The following PLCD3 variants were observed in gnomAD, a reference collection of about 807,000 sequenced individuals.
PLCD3 encodes the protein phospholipase C delta 3.
In PLCD3, 62 loss-of-function variants were observed where a neutral mutation model predicts 82.8. The ratio of observed to expected loss-of-function variants is 0.75; its 90% confidence interval spans 0.61 to 0.93. The LOEUF (loss-of-function observed/expected upper bound fraction) is 0.93. PLCD3 is among the 40% of genes least tolerant of loss of function. The pLI, the probability that PLCD3 is intolerant of heterozygous loss-of-function variation, is 0.00. For missense variants in PLCD3, 1,023 were observed against 1,103.4 expected, an observed-to-expected ratio of 0.93 and a Z score of 1.03; for synonymous variants, 478 against 471.8, an observed-to-expected ratio of 1.01 and a Z score of -0.17.
chr17:45,124,477 G>T (rs1345527580), intron 1 of PLCD3, among the ~76,000 whole-genome samples: 5 of 118,266 alleles, frequency 4.2e-5, no homozygotes, highest in African/African-American at 1.4e-4. Flanking sequence ...GCGGGGCCAG[G>T]TGCTGAGTCC....
At chr17:45,131,775 C>T (rs1005892728) in intron 1 of PLCD3, among the ~76,000 whole-genome samples, 1 of 152,256 alleles carries the variant, frequency 6.6e-6, no homozygotes, top group Non-Finnish European at 1.5e-5. Context: ...AGCAGTGTGG[C>T]TGTGGCCGCC....
intron 8 of PLCD3, 99 bp downstream of exon 8, chr17:45,116,533 G>A: frequency 7.8e-7 from 1 of 1,274,430 alleles, no homozygotes; most frequent in Non-Finnish European, 1.1e-6. Flanking sequence ...GGCAGCAAGA[G>A]GTGAGGGGTC....
rs751393836 is a variant in PLCD3, at chr17:45,112,673, G to A, written c.2313C>T (p.Asp771=). The A allele has an allele frequency of 1.2e-5, 20 of 1,606,776 alleles. No homozygotes were observed. Among genetic ancestry groups the A allele is most frequent in the East Asian group, 2.2e-5 (1 of 44,658 alleles). The change falls in exon 15 of 15, where the codon GAC becomes GAT. Residue 771 remains aspartate, a synonymous_variant. Coordinates refer to ENST00000619929, the MANE Select transcript of PLCD3 (RefSeq NM_133373.5). ...GYRHIHLLSK[D]GASLSPATLF... is the part of the protein sequence containing the mutation. ...GCGTGGCTGGTGACAGTGAGGCCCC[G>A]TCCTTGGAAAGCAGGTGTATGTGGC...
In PLCD3 at chr17:45,118,458, GA is replaced by G. The variant is rs764931573; in HGVS notation, c.947del (p.Phe316SerfsTer2). Reference sequence around the variant, plus strand: ...CCTCCGGCGACAACAGGTACATCATGAAGCCATCCAGTGTCATCAGCTCATG... The same window carrying G: ...CCTCCGGCGACAACAGGTACATCATGAGCCATCCAGTGTCATCAGCTCATG... ...KQHELMTLDG[F>X]MMYLLSPEGA... On this transcript the variant is annotated frameshift_variant, in exon 6 of 15. Transcript: ENST00000619929. LOFTEE classifies it high-confidence loss of function. The surrounding 1 kb of genome is among the most constrained non-coding windows in gnomAD (Gnocchi z 4.1). 8 of 1,613,986 alleles carry G rather than the reference GA, an allele frequency of 5.0e-6. No homozygotes were observed. Among genetic ancestry groups the G allele is most frequent in the Non-Finnish European group, 6.8e-6 (8 of 1,179,888 alleles).
In PLCD3 at chr17:45,125,606, A is replaced by T. The variant is rs143522709; in HGVS notation, c.164-4234T>A. ...GCGAGACTCCGTCTCAAAAAACAAA[A>T]CAAAACAAAACAAACAAAAAACATA... On this transcript the variant is annotated intron_variant, in intron 1 of 14. Transcript: ENST00000619929. Among the ~76,000 whole-genome samples the T allele has an allele frequency of 5.7e-3, 862 of 152,384 alleles. 4 individuals are homozygous for T. The highest frequency in any genetic ancestry group is 0.01 in the Middle Eastern group (3 of 294).
rs1425660634 is a variant in PLCD3 at position 45,118,670 on chromosome 17, G to A, written c.913+145C>T. On this transcript the variant is annotated intron_variant, in intron 5 of 14. Transcript: ENST00000619929. This position sits in a 1 kb window ranked among gnomAD's most constrained non-coding sequence, Gnocchi z 4.1. ...CCCTGGGAGGAAGACAAACTGTTGT[G>A]CCATTTTACACATGTGGAAGCTGAG... 9.1e-7 allele frequency: 1 copy of A among 1,103,880 alleles called. No individual in the cohort carries two copies. The highest frequency in any genetic ancestry group is 1.3e-6 in the Non-Finnish European group (1 of 782,328). 68.4% of individuals were successfully genotyped at this position (1,103,880 alleles called of 1,614,324 possible).
chr17:45,115,376 C>T lies in PLCD3; in HGVS notation c.1528G>A (p.Glu510Lys). Residue 510 changes from glutamate to lysine, a missense_variant, in exon 9 of 15, where the codon GAG becomes AAG. Glu to Lys is a moderately conservative substitution (Grantham distance 56). Transcript: ENST00000619929. ...CTCTGCGCTGCAGCCTCCACCTCCT[C>T]TTCTTCCTCCTCGTCATCCTCCTCC... Reference protein sequence around the residue: ...EEEEDDEEEEEEVEAAAQRRL... With the variant: ...EEEEDDEEEEKEVEAAAQRRL... 1.3e-6 allele frequency: 2 copies of T among 1,592,042 alleles called. No homozygotes were observed. Among genetic ancestry groups the T allele is most frequent in the Non-Finnish European group, 1.7e-6 (2 of 1,170,632 alleles).
intron 3 of PLCD3, 71 bp from the exon 4 acceptor site, chr17:45,120,525 C>T (rs2054328009): frequency 1.4e-5 from 22 of 1,601,610 alleles, no homozygotes; most frequent in East Asian, 4.5e-5. Flanking sequence ...GCTGGTAAGT[C>T]ACCCCCACCT....
chr17:45,113,513 C>CAGGT lies in PLCD3; in HGVS notation c.1917_1920dup (p.Ala641ThrfsTer8). ...GTCGAGTCAGGTTGCCGCAGGCAGGCAGGTTTTAGGACGTAGCCACACTGC... is the reference window on the plus strand; with the variant it reads ...GTCGAGTCAGGTTGCCGCAGGCAGGCAGGTAGGTTTTAGGACGTAGCCACACTGC... On this transcript the variant is annotated frameshift_variant, in exon 12 of 15. Transcript: ENST00000619929. LOFTEE classifies it high-confidence loss of function. The CAGGT allele has an allele frequency of 6.3e-7, 1 of 1,583,294 alleles. No individual in the cohort carries two copies. The highest frequency in any genetic ancestry group is 8.6e-7 in the Non-Finnish European group (1 of 1,165,138).
chr17:45,120,119 T>C (rs930094458), intron 4 of PLCD3, among the ~76,000 whole-genome samples: 1 of 152,212 alleles, frequency 6.6e-6, no homozygotes, highest in African/African-American at 2.4e-5. Context: ...GGGCCCCGGC[T>C]CCCCACTCCC....
chr17:45,113,663 G>A (rs2054267644), intron 11 of PLCD3, 58 bp from the exon 12 acceptor site: 1 of 1,529,078 alleles, frequency 6.5e-7, no homozygotes. Flanking sequence ...TCACTACTCA[G>A]TTTCAGGGGA....
At chr17:45,131,621 C>A (rs763271531) in intron 1 of PLCD3, among the ~76,000 whole-genome samples, 1 of 152,246 alleles carries the variant, frequency 6.6e-6, no homozygotes, top group African/African-American at 2.4e-5. Context: ...TTGCAAGACA[C>A]CACCTGTGTA....
In PLCD3 at chr17:45,111,276, CAG is replaced by C. The variant is rs1427478419; in HGVS notation, c.*1338_*1339del. ...CTTGGGATTTGCCCTACTGAGCAGA[CAG>C]GGGCCTTGAGCCCAGCCAAGCCTGG... On this transcript the variant is annotated 3_prime_UTR_variant, in exon 15 of 15. Transcript: ENST00000619929. The C allele has an allele frequency of 3.3e-5, 5 of 152,212 alleles. No homozygotes were observed. Among genetic ancestry groups the C allele is most frequent in the South Asian group, 4.1e-4 (2 of 4,834 alleles). The allele number at this position is 152,212 out of a possible 1,614,324, so 9.4% of individuals were successfully genotyped here.
intron 10 of PLCD3, among the ~76,000 whole-genome samples, chr17:45,114,681 C>T (rs2143550431): frequency 6.6e-6 from 1 of 152,316 alleles, no homozygotes; most frequent in East Asian, 1.9e-4. Context: ...GGCCAAGGCC[C>T]CAGGCCTTCA....
chr17:45,121,378 G>A lies in PLCD3; in HGVS notation c.164-6C>T, dbSNP rs911793235. 1.6e-5 allele frequency: 24 copies of A among 1,499,856 alleles called. No homozygotes were observed. The highest frequency in any genetic ancestry group is 2.1e-5 in the Admixed American group (1 of 46,802). 92.9% of individuals were successfully genotyped at this position (1,499,856 alleles called of 1,614,324 possible). A position where few individuals can be genotyped will look rare whatever the true frequency, so the allele number is the denominator to read the frequency against. Reference sequence around the variant, plus strand: ...GTCCTCGTCCTCCGTCAGGCCTGGCGGGGCGGGAGGACCCGGGGCGTCAGG... The same window carrying A: ...GTCCTCGTCCTCCGTCAGGCCTGGCAGGGCGGGAGGACCCGGGGCGTCAGG... On this transcript the variant is annotated splice_polypyrimidine_tract_variant and splice_region_variant and intron_variant, in intron 1 of 14. Coordinates refer to ENST00000619929, the MANE Select transcript of PLCD3 (RefSeq NM_133373.5).
In PLCD3 at chr17:45,132,252, C is replaced by A; in HGVS notation, c.159G>T (p.Lys53Asn). 7.8e-7 allele frequency: 1 copy of A among 1,274,854 alleles called. No individual in the cohort carries two copies. Among genetic ancestry groups the A allele is most frequent in the Non-Finnish European group, 9.9e-7 (1 of 1,009,810 alleles). 79.0% of individuals were successfully genotyped at this position (1,274,854 alleles called of 1,614,324 possible). A position where few individuals can be genotyped will look rare whatever the true frequency, so the allele number is the denominator to read the frequency against. Residue 53 changes from lysine to asparagine, a missense_variant, in exon 1 of 15, where the codon AAG (lysine) becomes AAT (asparagine). By Grantham distance (94) the Lys-to-Asn change is moderately conservative (BLOSUM62 0). Coordinates refer to ENST00000619929, the MANE Select transcript of PLCD3 (RefSeq NM_133373.5). The surrounding 1 kb of genome is among the most constrained non-coding windows in gnomAD (Gnocchi z 4.6). ...CGCCCCTTGCCCGTCACTGACCCAT[C>A]TTCTTCAGCGCCCGCAGCCCGGGCC... ...TKRPGLRALK[K>N]MGLTEDEDVR... is the part of the protein sequence containing the mutation.
At chr17:45,115,817 A>G (rs1368892719) in intron 8 of PLCD3, among the ~76,000 whole-genome samples, 1 of 151,136 alleles carries the variant, frequency 6.6e-6, no homozygotes, top group African/African-American at 2.4e-5. Context: ...CTGGAATCAC[A>G]TGTCCTTTTT....
intron 7 of PLCD3, among the ~76,000 whole-genome samples, chr17:45,117,708 T>A (rs547979346): frequency 6.6e-6 from 1 of 152,354 alleles, no homozygotes; most frequent in Non-Finnish European, 1.5e-5. Flanking sequence ...TTGGAAGTCA[T>A]GATTAAAATG....
chr17:45,132,325 G>T lies in PLCD3; in HGVS notation c.86C>A (p.Pro29Gln). ...AAQVAAQVAA[P>Q]VALPSPPTPS... Reference sequence around the variant, plus strand: ...AGTCGGCGGGGACGGGAGAGCGACCGGCGCCGCGACTTGGGCTGCGACCTG... The same window carrying T: ...AGTCGGCGGGGACGGGAGAGCGACCTGCGCCGCGACTTGGGCTGCGACCTG... The change falls in exon 1 of 15, where the codon CCG becomes CAG. Residue 29 changes from proline (P) to glutamine (Q), a missense_variant. By Grantham distance (76) the Pro-to-Gln change is moderately conservative. Transcript: ENST00000619929. The surrounding 1 kb of genome is among the most constrained non-coding windows in gnomAD (Gnocchi z 4.6). 8.1e-7 allele frequency: 1 copy of T among 1,240,594 alleles called. No individual in the cohort carries two copies. The allele number at this position is 1,240,594 out of a possible 1,614,324, so 76.8% of individuals were successfully genotyped here. A position where few individuals can be genotyped will look rare whatever the true frequency, so the allele number is the denominator to read the frequency against.
Sources: gnomAD v4.1 joint callset for allele counts (sites outside exome capture counted in the v4.1 genomes callset) on GRCh38, gnomAD v4.1.1 for gene constraint, Gnocchi (gnomAD v3.1) non-coding constraint, MANE v1.5 for transcripts, NCBI Gene and HGNC (gene_info 2026-07-23, HGNC 2026-07-21) for gene names.